AKAP10: variants seen among roughly 807,000 people sequenced by gnomAD.
AKAP10 encodes A-kinase anchoring protein 10.
In AKAP10, 24 loss-of-function variants were observed where a neutral mutation model predicts 80.8. That is an observed-to-expected ratio of 0.30 (90% CI 0.22 to 0.42). The LOEUF is 0.42. Among genes scored for constraint, AKAP10 ranks in the 10% least tolerant of loss-of-function variants. The probability of loss-of-function intolerance (pLI) is 1.00; values close to 1 mark genes in which losing one functional copy is unlikely to be tolerated. For synonymous variants in AKAP10, 291 were observed against 277.7 expected, an observed-to-expected ratio of 1.05 and a Z score of -0.48; for missense variants, 661 against 794.9, an observed-to-expected ratio of 0.83 and a Z score of 2.03.
At chr17:19,951,210 C>T (rs62066299) in intron 4 of AKAP10, among the ~76,000 whole-genome samples, 3 of 116,730 alleles carry the variant, frequency 2.6e-5, no homozygotes, top group Admixed American at 9.0e-5. Flanking sequence ...CCCGGCCAGC[C>T]GCCCCGTCCG....
intron 3 of AKAP10, among the ~76,000 whole-genome samples, chr17:19,959,152 C>A (rs1404811239): frequency 1.3e-5 from 2 of 151,816 alleles, no homozygotes; most frequent in Non-Finnish European, 2.9e-5. Context: ...TGCGCCCAGC[C>A]CAGACTACAT....
intron 12 of AKAP10, among the ~76,000 whole-genome samples, chr17:19,915,610 T>C (rs2042735383): frequency 6.6e-6 from 1 of 152,236 alleles, no homozygotes; most frequent in South Asian, 2.1e-4. Context: ...CAGAAATTCC[T>C]ATTTATTAGT....
intron 3 of AKAP10, among the ~76,000 whole-genome samples, chr17:19,962,295 T>TAC (rs36115670): frequency 0.11 from 14,207 of 125,018 alleles, 719 homozygotes; most frequent in Non-Finnish European, 0.14. Flanking sequence ...TACATACATA[T>TAC]ACACACACAC....
At chr17:19,936,498 C>T in intron 8 of AKAP10, 68 bp from the exon 9 acceptor site, 7 of 1,450,642 alleles carry the variant, frequency 4.8e-6, no homozygotes, top group East Asian at 2.4e-5. Context: ...TCAGCACCTC[C>T]TCCAGAGAAT....
intron 1 of AKAP10, among the ~76,000 whole-genome samples, chr17:19,974,386 TTA>T (rs1477308480): frequency 6.6e-6 from 1 of 152,108 alleles, no homozygotes; most frequent in Non-Finnish European, 1.5e-5. Context: ...TCTTAAAACA[TTA>T]TAAGTTTTGC....
chr17:19,964,715 C>G (rs758709630), intron 2 of AKAP10, among the ~76,000 whole-genome samples: 4 of 152,120 alleles, frequency 2.6e-5, no homozygotes, highest in Non-Finnish European at 5.9e-5. Flanking sequence ...CATGGTGAAA[C>G]CCCATCTCTA....
chr17:19,946,259 ATAT>A (rs1260314483), intron 5 of AKAP10, among the ~76,000 whole-genome samples: 3 of 23,932 alleles, frequency 1.3e-4, no homozygotes, highest in East Asian at 1.4e-3. Flanking sequence ...ATATATATAT[ATAT>A]ATATATATAT....
Position 19,936,421 on chromosome 17 carries a change from G to C in AKAP10, c.1332C>G (p.Ser444=). 1 of 1,607,730 alleles carries C rather than the reference G, an allele frequency of 6.2e-7. No homozygotes were observed. The highest frequency in any genetic ancestry group is 1.1e-5 in the South Asian group (1 of 90,490). ...ATCCAAGAGGATGTGTGGCTTGGAG[G>C]GAGAAGTACCTATGGTAAAAAGATA... ...DAMILYDKYF[S]LQATHPLGFD... is the part of the protein sequence containing the mutation. The change falls in exon 9 of 15, where the codon TCC becomes TCG. Residue 444 remains serine, a synonymous_variant. Transcript: ENST00000225737.
chr17:19,916,230 C>T (rs1411723335), intron 12 of AKAP10, among the ~76,000 whole-genome samples: 1 of 152,242 alleles, frequency 6.6e-6, no homozygotes, highest in East Asian at 1.9e-4. Flanking sequence ...CCCTACTACT[C>T]TCTCCCAGCC....
intron 11 of AKAP10, among the ~76,000 whole-genome samples, chr17:19,923,687 C>T (rs561650241): frequency 2.6e-5 from 4 of 152,156 alleles, no homozygotes; most frequent in South Asian, 2.1e-4. Flanking sequence ...CCACCATGCC[C>T]GGCTAATTTT....
intron 4 of AKAP10, 142 bp from the exon 5 acceptor site, chr17:19,947,647 T>C (rs2043149523): frequency 2.9e-6 from 2 of 701,522 alleles, no homozygotes; most frequent in Non-Finnish European, 5.0e-6. Flanking sequence ...TTTTTCATTG[T>C]TTGGTTTGTG....
chr17:19,947,985 CA>C lies in AKAP10; in HGVS notation c.878-481del, dbSNP rs35869599. Among the ~76,000 whole-genome samples the C allele has an allele frequency of 4.1e-3, 420 of 103,174 alleles. 2 individuals are homozygous for C. The highest frequency in any genetic ancestry group is 0.011 in the Middle Eastern group (2 of 190). 67.7% of individuals were successfully genotyped at this position (103,174 alleles called of 152,430 possible). On this transcript the variant is annotated intron_variant, in intron 4 of 14. Coordinates refer to ENST00000225737, the MANE Select transcript of AKAP10 (RefSeq NM_007202.4). The stretch of plus-strand genomic sequence containing the variant: ...CAAAGGACAGAGTGAGACTCCGTCT[CA>C]AAAAAAAAAAAAAAGTCAAGTATTA...
intron 10 of AKAP10, among the ~76,000 whole-genome samples, chr17:19,931,446 A>G (rs1302757542): frequency 6.8e-6 from 1 of 147,746 alleles, no homozygotes; most frequent in Non-Finnish European, 1.5e-5. Context: ...GCTGGAGTGC[A>G]GTGGCGTGAT....
chr17:19,931,455 A>AT (rs1466958740), intron 10 of AKAP10, among the ~76,000 whole-genome samples: 1 of 144,588 alleles, frequency 6.9e-6, no homozygotes, highest in African/African-American at 2.6e-5. Flanking sequence ...CAGTGGCGTG[A>AT]TTTTGGTTCA....
At chr17:19,909,688 T>C (rs2042668871) in intron 13 of AKAP10, among the ~76,000 whole-genome samples, 1 of 152,224 alleles carries the variant, frequency 6.6e-6, no homozygotes, top group African/African-American at 2.4e-5. Context: ...GAAACTTGAA[T>C]GCATGTATAT....
chr17:19,958,162 G>T lies in AKAP10; in HGVS notation c.729C>A (p.Asp243Glu), dbSNP rs772935746. The stretch of plus-strand genomic sequence containing the variant: ...TTTCAAGACGGAGAGAATGGGCACT[G>T]TCACATTCCTGGGAAAGCAGCAAGT... ...QNHLLLSQEC[D>E]SAHSLRLEMA... Residue 243 changes from aspartate to glutamate, a missense_variant, in exon 4 of 15, where the codon GAC becomes GAA. Physicochemically the swap from Asp to Glu is conservative, Grantham distance 45 (BLOSUM62 2). Transcript: ENST00000225737. The T allele has an allele frequency of 1.2e-6, 2 of 1,614,168 alleles. No individual in the cohort carries two copies. The highest frequency in any genetic ancestry group is 2.2e-5 in the South Asian group (2 of 91,082).
At chr17:19,924,361 C>A (rs532995371) in intron 11 of AKAP10, 47 bp downstream of exon 11, 3 of 1,321,362 alleles carry the variant, frequency 2.3e-6, no homozygotes, top group Non-Finnish European at 3.1e-6. Context: ...TTAAAAGATG[C>A]AAAGTTATTT....
At chr17:19,963,116 T>C (rs2043373480) in intron 2 of AKAP10, 94 bp from the exon 3 acceptor site, 1 of 1,101,032 alleles carries the variant, frequency 9.1e-7, no homozygotes, top group Non-Finnish European at 1.3e-6. Flanking sequence ...AAAATTAAAT[T>C]TTGTAACATT....
chr17:19,913,298 G>A (rs1473099722), intron 12 of AKAP10, among the ~76,000 whole-genome samples: 7 of 152,044 alleles, frequency 4.6e-5, no homozygotes, highest in South Asian at 4.2e-4. Flanking sequence ...GACTACAAGC[G>A]CGTGCCACCA....
Sources: allele counts gnomAD v4.1 joint callset (sites outside exome capture counted in the v4.1 genomes callset), GRCh38; gene constraint gnomAD v4.1.1; transcripts MANE v1.5; gene names NCBI Gene and HGNC (gene_info 2026-07-23, HGNC 2026-07-21).